Variants in LOXL2 observed in about 807,000 individuals in gnomAD.
LOXL2 encodes lysyl oxidase like 2.
Under a neutral mutation model 93.0 loss-of-function variants are expected in LOXL2, and 70 were observed. That is an observed-to-expected ratio of 0.75 (90% CI 0.62 to 0.92). The LOEUF is 0.92. LOXL2 is among the 40% of genes least tolerant of loss of function. The pLI is 0.00. For missense variants in LOXL2, 973 were observed against 1,054.9 expected (o/e 0.92, Z 1.08); for synonymous variants, 438 against 413.2 (o/e 1.06, Z -0.73).
intron 3 of LOXL2, among the ~76,000 whole-genome samples, chr8:23,356,819 G>C (rs1804208974): frequency 1.3e-5 from 2 of 152,170 alleles, no homozygotes; most frequent in African/African-American, 4.8e-5. Flanking sequence ...TGCCCTCTCT[G>C]GGTTTCTGGA....
rs758413619 is a variant in LOXL2, at chr8:23,298,049, C to A, written c.2319G>T (p.Pro773=). ...GTTGACCACGCAGGCTTCTTTACTG[C>A]GGGGACAGCTGGTTGTTTAAGAGCC... is the stretch of plus-strand genomic sequence containing the variant. ...FSGLLNNQLS[P]Q The change falls in exon 14 of 14, where the codon CCG becomes CCT. Residue 773 remains proline (P), a synonymous_variant. Coordinates refer to ENST00000389131, the MANE Select transcript of LOXL2 (RefSeq NM_002318.3). 1.2e-6 allele frequency: 2 copies of A among 1,613,276 alleles called. No homozygotes were observed. The highest frequency in any genetic ancestry group is 1.7e-6 in the Non-Finnish European group (2 of 1,179,756).
intron 4 of LOXL2, among the ~76,000 whole-genome samples, chr8:23,339,760 G>T (rs946146533): frequency 2.6e-5 from 4 of 152,208 alleles, no homozygotes; most frequent in Non-Finnish European, 4.4e-5. Context: ...GTGCCAACAG[G>T]AAGGTCTGGG....
At chr8:23,403,495 T>TACATCCCCAAAA (rs1453740459) in intron 1 of LOXL2, among the ~76,000 whole-genome samples, 1 of 150,802 alleles carries the variant, frequency 6.6e-6, no homozygotes, top group Non-Finnish European at 1.5e-5. Context: ...CCCAGCACGC[T>TACATCCCCAAAA]CTACATCCCC....
intron 1 of LOXL2, among the ~76,000 whole-genome samples, chr8:23,386,208 A>G (rs1046843939): frequency 1.3e-5 from 2 of 152,214 alleles, no homozygotes; most frequent in East Asian, 1.9e-4. Context: ...CCTGGCTAAC[A>G]TGGTGAAATC....
Position 23,351,302 on chromosome 8 carries a change from C to T in LOXL2, c.531+8788G>A, listed in dbSNP as rs115171405. On this transcript the variant is annotated intron_variant, in intron 3 of 13. Transcript: ENST00000389131. Reference sequence around the variant, plus strand: ...GCAGAACCAGGCTGACCGCTGCCCACTCTGCCCTAGTCACATCACCAGACC... The same window carrying T: ...GCAGAACCAGGCTGACCGCTGCCCATTCTGCCCTAGTCACATCACCAGACC... Among the ~76,000 whole-genome samples, 916 of 152,328 alleles carry T rather than the reference C, an allele frequency of 6.0e-3. 8 individuals are homozygous for T. Among genetic ancestry groups the T allele is most frequent in the African/African-American group, 0.021 (856 of 41,568 alleles).
intron 3 of LOXL2, among the ~76,000 whole-genome samples, chr8:23,348,705 G>A (rs373757311): frequency 1.3e-5 from 2 of 151,950 alleles, no homozygotes; most frequent in East Asian, 1.9e-4. Context: ...GTGAAACCCC[G>A]TCTCTACTAA....
At chr8:23,333,259 A>T in intron 5 of LOXL2, 142 bp downstream of exon 5, 1 of 718,024 alleles carries the variant, frequency 1.4e-6, no homozygotes, top group Non-Finnish European at 2.3e-6. Context: ...GAGGGCGCTC[A>T]GGTCTCAGAG....
intron 12 of LOXL2, among the ~76,000 whole-genome samples, chr8:23,301,084 T>C (rs946084694): frequency 1.3e-5 from 2 of 152,208 alleles, no homozygotes; most frequent in Non-Finnish European, 2.9e-5. Context: ...GGACTGTCTG[T>C]AGGTGGGGAC....
At chr8:23,355,824 G>T (rs377204113) in intron 3 of LOXL2, among the ~76,000 whole-genome samples, 16 of 151,592 alleles carry the variant, frequency 1.1e-4, no homozygotes, top group African/African-American at 3.6e-4. Flanking sequence ...GCCCAGGCTG[G>T]TCTCAAACTC....
intron 1 of LOXL2, among the ~76,000 whole-genome samples, chr8:23,384,069 G>T (rs1385323004): frequency 6.6e-6 from 1 of 152,126 alleles, no homozygotes; most frequent in East Asian, 1.9e-4. Context: ...AAAACAGCTC[G>T]CCTACATACC....
chr8:23,367,180 C>T (rs770984090), intron 2 of LOXL2, among the ~76,000 whole-genome samples: 9 of 152,096 alleles, frequency 5.9e-5, no homozygotes, highest in Non-Finnish European at 1.3e-4. Flanking sequence ...TCCTGAGTAG[C>T]TGGGACTACA....
At chr8:23,327,463 A>AGGCCACCCCACCGCT (rs1803597634) in intron 6 of LOXL2, among the ~76,000 whole-genome samples, 1 of 152,084 alleles carries the variant, frequency 6.6e-6, no homozygotes, top group Non-Finnish European at 1.5e-5. Context: ...CCCACTGGAC[A>AGGCCACCCCACCGCT]GGCCACCCCA....
At chr8:23,329,349 G>A (rs1803637089) in intron 5 of LOXL2, among the ~76,000 whole-genome samples, 1 of 152,234 alleles carries the variant, frequency 6.6e-6, no homozygotes, top group South Asian at 2.1e-4. Flanking sequence ...TGGAGAATTA[G>A]AGTTTAAACA....
chr8:23,337,924 C>G (rs1279570063), intron 4 of LOXL2, among the ~76,000 whole-genome samples: 1 of 152,144 alleles, frequency 6.6e-6, no homozygotes, highest in Non-Finnish European at 1.5e-5. Flanking sequence ...GTGCAGGTAA[C>G]TGGAGGGTAT....
At chr8:23,332,074 AAAG>A (rs1442381399) in intron 5 of LOXL2, 1 of 151,494 alleles carries the variant, frequency 6.6e-6, no homozygotes, top group African/African-American at 2.4e-5. Flanking sequence ...AAAGAAAAGA[AAAG>A]AAAAAAGAAA....
chr8:23,356,709 C>G (rs567723306), intron 3 of LOXL2, among the ~76,000 whole-genome samples: 2 of 152,326 alleles, frequency 1.3e-5, no homozygotes, highest in East Asian at 3.9e-4. Flanking sequence ...GGTCACCAGC[C>G]TGATCTGTCT....
At chr8:23,372,759 A>G (rs1804519611) in intron 1 of LOXL2, among the ~76,000 whole-genome samples, 2 of 152,218 alleles carry the variant, frequency 1.3e-5, no homozygotes, top group African/African-American at 4.8e-5. Context: ...ATATTGATAG[A>G]ACTAAAAGGA....
intron 1 of LOXL2, among the ~76,000 whole-genome samples, chr8:23,369,027 G>C (rs1804457967): frequency 6.6e-6 from 1 of 152,196 alleles, no homozygotes; most frequent in Non-Finnish European, 1.5e-5. Context: ...CAAGGGAGCT[G>C]AGCCCATTGA....
chr8:23,330,232 G>C (rs939694502), intron 5 of LOXL2, among the ~76,000 whole-genome samples: 6 of 152,236 alleles, frequency 3.9e-5, no homozygotes, highest in African/African-American at 1.2e-4. Context: ...TACTCGGGAG[G>C]CTGAGGCAGG....
Sources: gnomAD v4.1 joint callset for allele counts (sites outside exome capture counted in the v4.1 genomes callset) on GRCh38, gnomAD v4.1.1 for gene constraint, MANE v1.5 for transcripts, NCBI Gene and HGNC (gene_info 2026-07-23, HGNC 2026-07-21) for gene names.